The following CDKAL1 variants were observed in gnomAD, a reference collection of about 807,000 sequenced individuals.
CDKAL1 encodes the protein CDKAL1 threonylcarbamoyladenosine tRNA methylthiotransferase, also known as threonylcarbamoyladenosine tRNA methylthiotransferase.
CDKAL1 carries 32 observed loss-of-function variants against 68.2 expected under a neutral mutation model. The ratio of observed to expected loss-of-function variants is 0.47; its 90% CI spans 0.35 to 0.63. The LOEUF (loss-of-function observed/expected upper bound fraction) is 0.63. Ranked by LOEUF, CDKAL1 falls within the 30% of genes least tolerant of loss-of-function variation. The probability of loss-of-function intolerance (pLI) is 0.00; values close to 1 mark genes in which losing one functional copy is unlikely to be tolerated. For missense variants in CDKAL1, 606 were observed against 696.7 expected, an observed-to-expected ratio of 0.87 and a Z score of 1.47; for synonymous variants, 234 against 244.3, an observed-to-expected ratio of 0.96 and a Z score of 0.39.
chr6:20,651,945 G>A (rs115326335), intron 5 of CDKAL1, among the ~76,000 whole-genome samples: 4,894 of 152,202 alleles, frequency 0.032, 120 homozygotes, highest in Non-Finnish European at 0.051. Context: ...TGCTGGATTC[G>A]GTTTGCCCAG....
At chr6:20,564,918 T>G (rs1282121670) in intron 4 of CDKAL1, among the ~76,000 whole-genome samples, 2 of 152,124 alleles carry the variant, frequency 1.3e-5, no homozygotes, top group Non-Finnish European at 2.9e-5. Flanking sequence ...TAGGTCCAGG[T>G]CCTGCGAAGA....
intron 13 of CDKAL1, among the ~76,000 whole-genome samples, chr6:21,177,569 A>G (rs1216862309): frequency 6.6e-6 from 1 of 152,190 alleles, no homozygotes; most frequent in East Asian, 1.9e-4. Flanking sequence ...GTTTTAAACA[A>G]AACCAGAACA....
chr6:20,548,830 T>G, intron 4 of CDKAL1, 125 bp downstream of exon 4: 1 of 538,264 alleles, frequency 1.9e-6, no homozygotes, highest in South Asian at 3.1e-5. Flanking sequence ...CAGATAGTTA[T>G]TACACATTTT....
intron 5 of CDKAL1, among the ~76,000 whole-genome samples, chr6:20,681,784 C>T (rs1229531325): frequency 5.9e-5 from 9 of 152,088 alleles, no homozygotes; most frequent in Admixed American, 5.9e-4. Context: ...AGGATAGTAT[C>T]GATACTGCCT....
At chr6:21,029,979 T>A (rs992485149) in intron 11 of CDKAL1, among the ~76,000 whole-genome samples, 3 of 152,184 alleles carry the variant, frequency 2.0e-5, no homozygotes, top group African/African-American at 7.2e-5. Flanking sequence ...TTACTGGGTA[T>A]ATACCCAAAG....
At chr6:20,881,689 T>G (rs1274396244) in intron 9 of CDKAL1, among the ~76,000 whole-genome samples, 1 of 152,216 alleles carries the variant, frequency 6.6e-6, no homozygotes, top group Non-Finnish European at 1.5e-5. Context: ...TGAAATGTCT[T>G]TCATATTTGT....
chr6:20,603,648 G>A (rs1766202974), intron 4 of CDKAL1, among the ~76,000 whole-genome samples: 1 of 152,014 alleles, frequency 6.6e-6, no homozygotes, highest in African/African-American at 2.4e-5. Flanking sequence ...GAAGGACAAT[G>A]GTGAAGGAAG....
chr6:21,131,776 C>A (rs1421945400), intron 13 of CDKAL1, among the ~76,000 whole-genome samples: 1 of 151,880 alleles, frequency 6.6e-6, no homozygotes, highest in Non-Finnish European at 1.5e-5. Context: ...GAGATCTCTG[C>A]ATTAGTGAAA....
At chr6:20,605,060 A>G (rs1050579750) in intron 4 of CDKAL1, among the ~76,000 whole-genome samples, 1 of 152,310 alleles carries the variant, frequency 6.6e-6, no homozygotes, top group South Asian at 2.1e-4. Flanking sequence ...ACTCAGAAAG[A>G]GGAGCTAATT....
chr6:21,231,091 C>A lies in CDKAL1; in HGVS notation c.*52C>A. 7.2e-7 allele frequency: 1 copy of A among 1,392,176 alleles called. No individual in the cohort carries two copies. Among genetic ancestry groups the A allele is most frequent in the South Asian group, 1.4e-5 (1 of 71,636 alleles). The allele number at this position is 1,392,176 out of a possible 1,614,324, so 86.2% of individuals were successfully genotyped here. A position where few individuals can be genotyped will look rare whatever the true frequency, so the allele number is the denominator to read the frequency against. Reference sequence around the variant, plus strand: ...AGAAGAATACATTTCTAATTAAAATCTTCAATGAACAGGAAAGCGACATCT... The same window carrying A: ...AGAAGAATACATTTCTAATTAAAATATTCAATGAACAGGAAAGCGACATCT... On this transcript the variant is annotated 3_prime_UTR_variant, in exon 16 of 16. Transcript: ENST00000274695.
intron 5 of CDKAL1, among the ~76,000 whole-genome samples, chr6:20,697,459 A>G (rs185098955): frequency 3.3e-5 from 5 of 152,310 alleles, no homozygotes; most frequent in Admixed American, 2.6e-4. Flanking sequence ...TTTTGGGAAC[A>G]TATACATTGT....
intron 10 of CDKAL1, among the ~76,000 whole-genome samples, chr6:20,984,181 A>G (rs1265446915): frequency 2.6e-5 from 4 of 152,202 alleles, no homozygotes; most frequent in African/African-American, 9.7e-5. Context: ...TGCTACTACT[A>G]CTGAAGCAGG....
At chr6:21,014,606 G>A (rs1480753441) in intron 11 of CDKAL1, among the ~76,000 whole-genome samples, 5 of 143,450 alleles carry the variant, frequency 3.5e-5, no homozygotes, top group Admixed American at 7.0e-5. Flanking sequence ...GCGAGACTCC[G>A]TCTCATAAAA....
At chr6:20,575,228 G>A (rs1363134248) in intron 4 of CDKAL1, among the ~76,000 whole-genome samples, 1 of 151,852 alleles carries the variant, frequency 6.6e-6, no homozygotes, top group Non-Finnish European at 1.5e-5. Context: ...ATCTTATTTA[G>A]TAGTTTAAAG....
rs567319542 is a variant in CDKAL1, at chr6:21,099,010, A to T, written c.1237-9391A>T. On this transcript the variant is annotated intron_variant, in intron 12 of 15. Coordinates refer to ENST00000274695, the MANE Select transcript of CDKAL1 (RefSeq NM_017774.3). Reference sequence around the variant, plus strand: ...GCATTATGAAGCTTACTCTGGCCTCAGTAAAGGGGGATTAAGCAAAGGTTC... The same window carrying T: ...GCATTATGAAGCTTACTCTGGCCTCTGTAAAGGGGGATTAAGCAAAGGTTC... Among the ~76,000 whole-genome samples the T allele has an allele frequency of 5.3e-5, 8 of 152,306 alleles. No individual in the cohort carries two copies. In the East Asian group the frequency reaches 1.2e-3, roughly 22 times the overall value.
chr6:20,644,662 C>T (rs35255583), intron 4 of CDKAL1, among the ~76,000 whole-genome samples: 3 of 152,038 alleles, frequency 2.0e-5, no homozygotes, highest in African/African-American at 7.2e-5. Flanking sequence ...AGCGAGACTC[C>T]GTCTCAAAAC....
At chr6:20,800,643 GA>G (rs1335310213) in intron 8 of CDKAL1, 1 of 152,218 alleles carries the variant, frequency 6.6e-6, no homozygotes, top group Non-Finnish European at 1.5e-5. Flanking sequence ...GGTGGTGGGG[GA>G]TAGAGTCCTG....
At chr6:21,017,368 G>T (rs1343839045) in intron 11 of CDKAL1, among the ~76,000 whole-genome samples, 1 of 152,194 alleles carries the variant, frequency 6.6e-6, no homozygotes, top group South Asian at 2.1e-4. Flanking sequence ...CCTCAGGAAG[G>T]TACAGCAAAG....
chr6:20,612,302 AT>A (rs1156858678), intron 4 of CDKAL1, among the ~76,000 whole-genome samples: 3 of 151,990 alleles, frequency 2.0e-5, no homozygotes, highest in African/African-American at 7.2e-5. Context: ...TGGTAGTTCT[AT>A]TTGTAGTTTT....
Sources: gnomAD v4.1 joint callset for allele counts (sites outside exome capture counted in the v4.1 genomes callset) on GRCh38, gnomAD v4.1.1 for gene constraint, MANE v1.5 for transcripts, NCBI Gene and HGNC (gene_info 2026-07-23, HGNC 2026-07-21) for gene names.